Variants in LPAR6 observed in about 807,000 individuals in gnomAD.
The protein encoded by LPAR6 is lysophosphatidic acid receptor 6, also known as G-protein coupled purinergic receptor P2Y5.
A neutral mutation model predicts 22.0 loss-of-function variants in LPAR6; 17 were observed. The ratio of observed to expected loss-of-function variants is 0.77; its 90% CI spans 0.53 to 1.16. LPAR6 has a LOEUF of 1.16. Among genes scored for constraint, LPAR6 ranks in the 50% most tolerant of loss-of-function variants. The pLI, the probability that LPAR6 is intolerant of heterozygous loss-of-function variation, is 0.00. For missense variants in LPAR6, 384 were observed against 406.9 expected (o/e 0.94, Z 0.48); for synonymous variants, 136 against 139.8 (o/e 0.97, Z 0.19).
At chr13:48,401,158 A>G (rs116868437) in intron 1 of LPAR6, 8 of 152,336 alleles carry the variant, frequency 5.3e-5, no homozygotes, top group Non-Finnish European at 1.2e-4. Context: ...GCAATGGTAG[A>G]AGAATAGCTA....
chr13:48,434,511 A>G (rs1248160237), intron 1 of LPAR6, among the ~76,000 whole-genome samples: 1 of 152,120 alleles, frequency 6.6e-6, no homozygotes, highest in East Asian at 1.9e-4. Context: ...AGCAAGTGAA[A>G]CCAGCAGAAG....
At chr13:48,433,320 T>G (rs1949149092) in intron 1 of LPAR6, among the ~76,000 whole-genome samples, 1 of 152,158 alleles carries the variant, frequency 6.6e-6, no homozygotes, top group South Asian at 2.1e-4. Flanking sequence ...ACATTTAAAA[T>G]TATTTAAATA....
At chr13:48,435,737 G>T (rs1452197235) in intron 1 of LPAR6, among the ~76,000 whole-genome samples, 3 of 152,086 alleles carry the variant, frequency 2.0e-5, no homozygotes, top group Non-Finnish European at 1.5e-5. Context: ...TTGAGATTTG[G>T]GTTGAGGTTT....
At chr13:48,426,019 G>A (rs776031733) in intron 1 of LPAR6, among the ~76,000 whole-genome samples, 1 of 152,094 alleles carries the variant, frequency 6.6e-6, no homozygotes, top group South Asian at 2.1e-4. Context: ...TATAATGAAA[G>A]AATACAACTT....
intron 1 of LPAR6, among the ~76,000 whole-genome samples, chr13:48,399,415 A>G (rs917712912): frequency 6.6e-6 from 1 of 152,092 alleles, no homozygotes; most frequent in African/African-American, 2.4e-5. Context: ...TAAGATAGAT[A>G]AGCAGAAAGA....
At chr13:48,433,248 T>C (rs963389726) in intron 1 of LPAR6, among the ~76,000 whole-genome samples, 1 of 152,184 alleles carries the variant, frequency 6.6e-6, no homozygotes, top group Non-Finnish European at 1.5e-5. Flanking sequence ...TATGTACTTT[T>C]CTATTTATGA....
At position 48,412,276 on chromosome 13, in the gene LPAR6, T is replaced by A. The variant is rs1354662734; in HGVS notation, c.148A>T (p.Asn50Tyr). ...TTAATCATGTAAGTTGTAGTTTCAT[T>A]TCGGACTTTGAGGACGCAGATGAAA... ...YIFICVLKVRNETTTYMINLA... is the reference protein window; with the variant it reads ...YIFICVLKVRYETTTYMINLA... Residue 50 changes from asparagine to tyrosine, a missense_variant, in exon 1 of 1, where the codon AAT (asparagine) becomes TAT (tyrosine). Coordinates refer to ENST00000620633, the MANE Select transcript of LPAR6 (RefSeq NM_001162498.3). The A allele has an allele frequency of 6.2e-7, 1 of 1,613,984 alleles. No individual in the cohort carries two copies. The highest frequency in any genetic ancestry group is 1.7e-5 in the Admixed American group (1 of 60,014).
intron 2 of LPAR6, among the ~76,000 whole-genome samples, chr13:48,418,279 C>T (rs1441414718): frequency 6.6e-6 from 1 of 152,028 alleles, no homozygotes; most frequent in African/African-American, 2.4e-5. Context: ...TCCAGCCAAA[C>T]TAAGCTTCAT....
chr13:48,413,806 A>G (rs570796151), upstream of LPAR6, among the ~76,000 whole-genome samples: 7 of 152,306 alleles, frequency 4.6e-5, no homozygotes, highest in African/African-American at 1.7e-4. Flanking sequence ...TTTACTTTCT[A>G]AGCACAAAAT....
downstream of LPAR6, among the ~76,000 whole-genome samples, chr13:48,409,773 G>C (rs1024453065): frequency 3.3e-5 from 5 of 151,586 alleles, no homozygotes; most frequent in Non-Finnish European, 7.4e-5. Context: ...TAGAGACGGG[G>C]TTTCACCATG....
chr13:48,442,147 G>C (rs1949243347), intron 1 of LPAR6, among the ~76,000 whole-genome samples: 1 of 151,924 alleles, frequency 6.6e-6, no homozygotes, highest in Non-Finnish European at 1.5e-5. Flanking sequence ...TTTAATGTCT[G>C]TTTCTCACAT....
chr13:48,402,689 A>G (rs1368723996), intron 1 of LPAR6, among the ~76,000 whole-genome samples: 2 of 152,042 alleles, frequency 1.3e-5, no homozygotes, highest in East Asian at 3.8e-4. Context: ...GAAACTATTT[A>G]TATGTGTCCT....
At chr13:48,402,666 C>T (rs1028882451) in intron 1 of LPAR6, among the ~76,000 whole-genome samples, 2 of 152,106 alleles carry the variant, frequency 1.3e-5, no homozygotes, top group Non-Finnish European at 2.9e-5. Context: ...TGAGCTGCCA[C>T]TCTTGGCCTA....
chr13:48,430,466 C>G (rs1324801268), upstream of LPAR6, among the ~76,000 whole-genome samples: 1 of 152,132 alleles, frequency 6.6e-6, no homozygotes, highest in Non-Finnish European at 1.5e-5. Flanking sequence ...AGAGGCCAGG[C>G]ACTGTGGCTC....
At chr13:48,437,958 GT>G (rs1211178210) in intron 1 of LPAR6, among the ~76,000 whole-genome samples, 1 of 152,092 alleles carries the variant, frequency 6.6e-6, no homozygotes, top group Non-Finnish European at 1.5e-5. Context: ...CAGTTTTCTT[GT>G]TTGTGCTTTG....
intron 2 of LPAR6, among the ~76,000 whole-genome samples, chr13:48,419,882 T>C (rs1948978661): frequency 6.6e-6 from 1 of 152,110 alleles, no homozygotes; most frequent in African/African-American, 2.4e-5. Context: ...GTTCTGAAAT[T>C]GAGGCAGTAA....
At chr13:48,437,233 A>G (rs1289908476) in intron 1 of LPAR6, among the ~76,000 whole-genome samples, 1 of 152,228 alleles carries the variant, frequency 6.6e-6, no homozygotes, top group African/African-American at 2.4e-5. Context: ...TTAGGCTGAC[A>G]GTTAATTTGA....
chr13:48,434,365 T>A (rs563174002), intron 1 of LPAR6, among the ~76,000 whole-genome samples: 2 of 151,938 alleles, frequency 1.3e-5, no homozygotes, highest in Non-Finnish European at 2.9e-5. Flanking sequence ...AGAAAAAAAA[T>A]TTTAACAGAT....
Position 48,412,048 on chromosome 13 carries a change from T to C in LPAR6, c.376A>G (p.Thr126Ala), listed in dbSNP as rs1254277376. 7 of 1,612,964 alleles carry C rather than the reference T, an allele frequency of 4.3e-6. No homozygotes were observed. Among genetic ancestry groups the C allele is most frequent in the Admixed American group, 1.7e-5 (1 of 59,848 alleles). Residue 126 changes from threonine (T) to alanine (A), a missense_variant, in exon 1 of 1, where the codon ACT (threonine) becomes GCT (alanine). By Grantham distance (58) the Thr-to-Ala change is moderately conservative. Coordinates refer to ENST00000620633, the MANE Select transcript of LPAR6 (RefSeq NM_001162498.3). ...TTTGCATTTCTTTTGGTTCTTAGAG[T>C]CTTTGACTTAAATGGGTAGACAATT... The part of the protein sequence containing the change: ...LAIVYPFKSK[T>A]LRTKRNAKIV...
Sources: allele counts gnomAD v4.1 joint callset (sites outside exome capture counted in the v4.1 genomes callset), GRCh38; gene constraint gnomAD v4.1.1; transcripts MANE v1.5; gene names NCBI Gene and HGNC (gene_info 2026-07-23, HGNC 2026-07-21).